Variants in FBXL17 observed in about 807,000 individuals in gnomAD.
The protein encoded by FBXL17 is F-box and leucine rich repeat protein 17.
In FBXL17, 22 loss-of-function variants were observed where a neutral mutation model predicts 66.2. That is an observed-to-expected ratio of 0.33 (90% CI 0.24 to 0.47). The LOEUF is 0.47. Ranked by LOEUF, FBXL17 falls within the 20% of genes least tolerant of loss-of-function variation. The probability of loss-of-function intolerance (pLI) is 1.00; values close to 1 mark genes in which losing one functional copy is unlikely to be tolerated. For synonymous variants in FBXL17, 474 were observed against 400.5 expected (o/e 1.18, Z -2.19); for missense variants, 878 against 948.2 (o/e 0.93, Z 0.97).
chr5:107,881,112 G>T lies in FBXL17; in HGVS notation c.1890C>A (p.Ile630=). ...ETVDVGWCKE[I]TDQGATLIAQ... is the part of the protein sequence containing the mutation. ...CAATCAGGGTGGCTCCTTGGTCTGT[G>T]ATTTCTTTACACCATCCGACATCCA... Residue 630 remains isoleucine, a synonymous_variant, in exon 8 of 9, where the codon ATC becomes ATA. Transcript: ENST00000542267. 1 of 1,614,028 alleles carries T rather than the reference G, an allele frequency of 6.2e-7. No individual in the cohort carries two copies. The highest frequency in any genetic ancestry group is 8.5e-7 in the Non-Finnish European group (1 of 1,179,944).
chr5:108,262,074 ATT>A (rs375770362), intron 4 of FBXL17, among the ~76,000 whole-genome samples: 1 of 135,710 alleles, frequency 7.4e-6, no homozygotes, highest in Non-Finnish European at 1.5e-5. Context: ...TTATTTATTT[ATT>A]TATTTATTTA....
intron 4 of FBXL17, among the ~76,000 whole-genome samples, chr5:108,236,268 T>C (rs185811063): frequency 1.3e-5 from 2 of 149,692 alleles, no homozygotes; most frequent in Admixed American, 1.3e-4. Context: ...TCCCAGCACT[T>C]TGGAAGGCCA....
At chr5:108,305,448 C>T (rs181839160) in intron 4 of FBXL17, among the ~76,000 whole-genome samples, 48 of 152,006 alleles carry the variant, frequency 3.2e-4, no homozygotes, top group African/African-American at 1.0e-3. Context: ...CAAACCTGCA[C>T]ATCCTGCACA....
At chr5:108,061,687 T>C (rs1747930484) in intron 6 of FBXL17, among the ~76,000 whole-genome samples, 1 of 152,174 alleles carries the variant, frequency 6.6e-6, no homozygotes, top group South Asian at 2.1e-4. Flanking sequence ...ATGACAAGAA[T>C]GCACTAGTAC....
intron 7 of FBXL17, among the ~76,000 whole-genome samples, chr5:107,907,212 A>G (rs1749789631): frequency 6.6e-6 from 1 of 152,194 alleles, no homozygotes; most frequent in East Asian, 1.9e-4. Flanking sequence ...GTGTGACTAC[A>G]GTGTAACGAA....
intron 4 of FBXL17, among the ~76,000 whole-genome samples, chr5:108,264,903 T>C (rs752755938): frequency 2.6e-4 from 40 of 151,854 alleles, no homozygotes; most frequent in Non-Finnish European, 4.7e-4. Flanking sequence ...AAAAAAATCA[T>C]GTTTTTTAAA....
chr5:107,933,439 C>T (rs1047229743), intron 7 of FBXL17, among the ~76,000 whole-genome samples: 3 of 152,276 alleles, frequency 2.0e-5, no homozygotes, highest in African/African-American at 7.2e-5. Flanking sequence ...TAGTCACTTA[C>T]ATTGGACTTA....
At chr5:107,972,369 A>C (rs1179815399) in intron 7 of FBXL17, among the ~76,000 whole-genome samples, 1 of 152,188 alleles carries the variant, frequency 6.6e-6, no homozygotes, top group Non-Finnish European at 1.5e-5. Context: ...GAACTGTTAG[A>C]TTTCCTCAAG....
intron 5 of FBXL17, among the ~76,000 whole-genome samples, chr5:108,189,881 C>G (rs1377983811): frequency 6.6e-6 from 1 of 152,116 alleles, no homozygotes; most frequent in African/African-American, 2.4e-5. Flanking sequence ...GGTGTTAGTT[C>G]TACAACCACG....
chr5:107,885,409 T>C (rs895503881), intron 7 of FBXL17, among the ~76,000 whole-genome samples: 1 of 152,314 alleles, frequency 6.6e-6, no homozygotes, highest in African/African-American at 2.4e-5. Context: ...TCTAGGAATC[T>C]ACTCTGACAA....
Position 107,882,196 on chromosome 5 carries a change from A to G in FBXL17, c.1823-1017T>C, listed in dbSNP as rs527782279. ...GATAATTTCCTCATTCTAAGATAGC[A>G]TAAGTTGATTTCTGTGACAATAAAG... On this transcript the variant is annotated intron_variant, in intron 7 of 8. Transcript: ENST00000542267. Among the ~76,000 whole-genome samples, 14 of 152,344 alleles carry G rather than the reference A, an allele frequency of 9.2e-5. No individual in the cohort carries two copies. In the South Asian group the frequency reaches 2.7e-3, roughly 29 times the overall value.
chr5:108,380,583 T>C, intron 1 of FBXL17, 116 bp downstream of exon 1: 1 of 577,874 alleles, frequency 1.7e-6, no homozygotes, highest in Non-Finnish European at 2.6e-6. Context: ...GGGACGTCCC[T>C]AGGCTGCCAG....
intron 4 of FBXL17, among the ~76,000 whole-genome samples, chr5:108,230,581 AG>A (rs1221352232): frequency 6.6e-6 from 1 of 152,120 alleles, no homozygotes; most frequent in Non-Finnish European, 1.5e-5. Flanking sequence ...AAAGGGTAGG[AG>A]GGGGGTAAGG....
At chr5:107,991,236 C>T (rs903685331) in intron 7 of FBXL17, among the ~76,000 whole-genome samples, 2 of 152,132 alleles carry the variant, frequency 1.3e-5, no homozygotes, top group Non-Finnish European at 2.9e-5. Flanking sequence ...AGAACTAGCT[C>T]GCTTAGATGT....
At chr5:108,025,513 C>T (rs997815463) in intron 6 of FBXL17, among the ~76,000 whole-genome samples, 3 of 151,898 alleles carry the variant, frequency 2.0e-5, no homozygotes, top group Non-Finnish European at 4.4e-5. Context: ...GTTGAATAAA[C>T]GTGTGGATCA....
At chr5:107,973,684 A>C (rs1430333290) in intron 7 of FBXL17, among the ~76,000 whole-genome samples, 1 of 152,066 alleles carries the variant, frequency 6.6e-6, no homozygotes, top group Non-Finnish European at 1.5e-5. Context: ...CTGTTAGCTT[A>C]GTGTAATCTC....
intron 4 of FBXL17, among the ~76,000 whole-genome samples, chr5:108,256,861 G>A (rs1191361592): frequency 1.3e-5 from 2 of 149,926 alleles, no homozygotes; most frequent in African/African-American, 4.9e-5. Flanking sequence ...TTTTGTTTCT[G>A]TTCTGTGTTT....
intron 7 of FBXL17, among the ~76,000 whole-genome samples, chr5:107,939,367 A>G (rs1751017218): frequency 6.6e-6 from 1 of 152,060 alleles, no homozygotes; most frequent in African/African-American, 2.4e-5. Flanking sequence ...CATGAGAAAG[A>G]GTAAATAAGT....
In FBXL17 at chr5:108,025,715, A is replaced by ACG. The variant is rs1308504199; in HGVS notation, c.1746-4715_1746-4714insCG. Among the ~76,000 whole-genome samples, 242 of 119,512 alleles carry ACG rather than the reference A, an allele frequency of 2.0e-3. 1 individual carries two copies. The highest frequency in any genetic ancestry group is 6.8e-3 in the African/African-American group (168 of 24,592). The allele number at this position is 119,512 out of a possible 152,430, so 78.4% of individuals were successfully genotyped here. On this transcript the variant is annotated intron_variant, in intron 6 of 8. Transcript: ENST00000542267. ...CACACACACACACAAACACACACAC[A>ACG]CACGCGCGCGCGCACACACACACAC...
Sources: gnomAD v4.1 joint callset for allele counts (sites outside exome capture counted in the v4.1 genomes callset) on GRCh38, gnomAD v4.1.1 for gene constraint, MANE v1.5 for transcripts, NCBI Gene and HGNC (gene_info 2026-07-23, HGNC 2026-07-21) for gene names.